TENM3: variants seen among roughly 807,000 people sequenced by gnomAD.
The protein encoded by TENM3 is teneurin transmembrane protein 3, also known as teneurin-3.
Under a neutral mutation model 255.1 loss-of-function variants are expected in TENM3, and 63 were observed. The ratio of observed to expected loss-of-function variants is 0.25; its 90% CI spans 0.20 to 0.30. TENM3 has a LOEUF of 0.30. TENM3 is among the 10% of genes least tolerant of loss of function. The pLI, the probability that TENM3 is intolerant of heterozygous loss-of-function variation, is 1.00. For missense variants in TENM3, 2,929 were observed against 3,461.1 expected, an observed-to-expected ratio of 0.85 and a Z score of 3.86; for synonymous variants, 1,306 against 1,322.3, an observed-to-expected ratio of 0.99 and a Z score of 0.27.
chr4:182,256,748 G>C (rs1410319918), intron 1 of TENM3, among the ~76,000 whole-genome samples: 1 of 152,080 alleles, frequency 6.6e-6, no homozygotes, highest in South Asian at 2.1e-4. Flanking sequence ...TGATATTCTT[G>C]TTACTATATA....
chr4:181,684,114 G>A, the TENM3 span, among the ~76,000 whole-genome samples: 1 of 152,120 alleles, frequency 6.6e-6, no homozygotes, highest in African/African-American at 2.4e-5. Flanking sequence ...TTTGCTTAGC[G>A]TTCCTGGCGT....
chr4:181,622,935 C>T, the TENM3 span, among the ~76,000 whole-genome samples: 1 of 152,074 alleles, frequency 6.6e-6, no homozygotes, highest in Non-Finnish European at 1.5e-5. Context: ...TAACTTAATA[C>T]ACATTAACAA....
chr4:181,813,963 T>A, the TENM3 span, among the ~76,000 whole-genome samples: 3 of 152,184 alleles, frequency 2.0e-5, no homozygotes, highest in East Asian at 3.9e-4. Flanking sequence ...AGTAGCTTAA[T>A]GAAACATGAA....
At chr4:182,597,207 G>A (rs1475042039) in intron 3 of TENM3, among the ~76,000 whole-genome samples, 1 of 152,094 alleles carries the variant, frequency 6.6e-6, no homozygotes, top group African/African-American at 2.4e-5. Context: ...GTTCAAGACT[G>A]GCCTGGGCAA....
the TENM3 span, among the ~76,000 whole-genome samples, chr4:181,467,095 G>GTATATATATATATA: frequency 7.0e-5 from 5 of 71,780 alleles, no homozygotes; most frequent in Non-Finnish European, 7.8e-5. Context: ...GTGTGTGTGT[G>GTATATATATATATA]TGTGTGTGTA....
the TENM3 span, among the ~76,000 whole-genome samples, chr4:181,609,748 G>A: frequency 4.6e-5 from 7 of 152,110 alleles, no homozygotes; most frequent in Admixed American, 3.3e-4. Context: ...AATGTATCTG[G>A]TCATATATTA....
intron 3 of TENM3, among the ~76,000 whole-genome samples, chr4:182,561,483 G>A (rs1307550999): frequency 6.6e-6 from 1 of 151,034 alleles, no homozygotes; most frequent in African/African-American, 2.4e-5. Flanking sequence ...AATTTTCCCT[G>A]GGTAATGGAT....
At chr4:181,637,882 T>G in the TENM3 span, among the ~76,000 whole-genome samples, 2 of 152,116 alleles carry the variant, frequency 1.3e-5, no homozygotes, top group African/African-American at 4.8e-5. Flanking sequence ...AATTTCTGAG[T>G]GAACAAATGA....
At chr4:182,109,951 ATAGT>A in the TENM3 span, among the ~76,000 whole-genome samples, 2 of 152,046 alleles carry the variant, frequency 1.3e-5, no homozygotes, top group East Asian at 1.9e-4. Flanking sequence ...GAGTTTATCA[ATAGT>A]TAGGGGAAAA....
the TENM3 span, among the ~76,000 whole-genome samples, chr4:181,687,901 A>G: frequency 6.6e-6 from 1 of 152,176 alleles, no homozygotes; most frequent in Non-Finnish European, 1.5e-5. Flanking sequence ...GGGATGAACA[A>G]AGTCTTTTGA....
At chr4:181,639,021 G>A in the TENM3 span, among the ~76,000 whole-genome samples, 1 of 152,146 alleles carries the variant, frequency 6.6e-6, no homozygotes, top group Non-Finnish European at 1.5e-5. Context: ...AAATAAAAGG[G>A]TGGCCTAGAA....
At chr4:181,707,289 G>T in the TENM3 span, among the ~76,000 whole-genome samples, 6 of 152,124 alleles carry the variant, frequency 3.9e-5, no homozygotes, top group Non-Finnish European at 5.9e-5. Flanking sequence ...TTTATAATAA[G>T]TTTGAATAGT....
At chr4:182,736,499 C>T (rs1178603406) in intron 16 of TENM3, among the ~76,000 whole-genome samples, 1 of 152,132 alleles carries the variant, frequency 6.6e-6, no homozygotes, top group Non-Finnish European at 1.5e-5. Context: ...GAGTAGCACC[C>T]GAGGTATGAT....
chr4:182,460,692 C>T (rs1383674136), intron 3 of TENM3, among the ~76,000 whole-genome samples: 1 of 152,136 alleles, frequency 6.6e-6, no homozygotes, highest in Non-Finnish European at 1.5e-5. Context: ...AGCTACTTCT[C>T]ATAAATGTAA....
chr4:181,604,446 A>T, the TENM3 span, among the ~76,000 whole-genome samples: 38 of 152,134 alleles, frequency 2.5e-4, no homozygotes, highest in Non-Finnish European at 4.9e-4. Context: ...TGATCTCCTT[A>T]CTGTTTCCCA....
At chr4:182,696,282 A>G (rs1460530040) in intron 12 of TENM3, among the ~76,000 whole-genome samples, 1 of 152,234 alleles carries the variant, frequency 6.6e-6, no homozygotes, top group African/African-American at 2.4e-5. Context: ...AAAGTAAACT[A>G]TCGCATAGAA....
intron 1 of TENM3, among the ~76,000 whole-genome samples, chr4:182,209,170 G>A (rs1031392966): frequency 1.2e-4 from 18 of 151,828 alleles, no homozygotes; most frequent in African/African-American, 2.9e-4. Context: ...GTTTCACCAC[G>A]TTGGTCAGGC....
At chr4:182,169,837 G>T (rs903938348) in intron 1 of TENM3, among the ~76,000 whole-genome samples, 1 of 152,020 alleles carries the variant, frequency 6.6e-6, no homozygotes, top group Non-Finnish European at 1.5e-5. Flanking sequence ...TGAAGCTTCT[G>T]TGGTGGGAAT....
the TENM3 span, among the ~76,000 whole-genome samples, chr4:181,876,774 C>A: frequency 6.6e-6 from 1 of 151,818 alleles, no homozygotes; most frequent in Non-Finnish European, 1.5e-5. Context: ...GTATTTTGAA[C>A]GGAATTTTGA....
Sources: gnomAD v4.1 joint callset for allele counts (sites outside exome capture counted in the v4.1 genomes callset) on GRCh38, gnomAD v4.1.1 for gene constraint, MANE v1.5 for transcripts, NCBI Gene and HGNC (gene_info 2026-07-23, HGNC 2026-07-21) for gene names.